Variants in SUSD4 observed in about 807,000 individuals in gnomAD.
The protein encoded by SUSD4 is sushi domain-containing protein 4.
SUSD4 carries 41 observed loss-of-function variants against 50.5 expected under a neutral mutation model. That is an observed-to-expected ratio of 0.81 (90% CI 0.63 to 1.05). The LOEUF (loss-of-function observed/expected upper bound fraction) is 1.05. Among genes scored for constraint, SUSD4 ranks in the 50% least tolerant of loss-of-function variants. SUSD4 has a pLI of 0.00. For missense variants in SUSD4, 580 were observed against 634.7 expected, an observed-to-expected ratio of 0.91 and a Z score of 0.93; for synonymous variants, 257 against 257.3, an observed-to-expected ratio of 1.00 and a Z score of 0.01.
chr1:223,304,801 TA>T (rs1665424351), intron 2 of SUSD4, among the ~76,000 whole-genome samples: 1 of 1,906 alleles, frequency 5.2e-4, no homozygotes, highest in Non-Finnish European at 1.4e-3. Flanking sequence ...TCCATATATA[TA>T]TATATATATA....
chr1:223,232,390 C>T (rs1383780567), intron 5 of SUSD4, among the ~76,000 whole-genome samples: 1 of 151,548 alleles, frequency 6.6e-6, no homozygotes, highest in Non-Finnish European at 1.5e-5. Flanking sequence ...TCATGTTGTA[C>T]ACCTTAAATA....
intron 2 of SUSD4, among the ~76,000 whole-genome samples, chr1:223,315,523 G>A (rs1040553060): frequency 2.6e-5 from 4 of 152,154 alleles, no homozygotes; most frequent in Admixed American, 6.5e-5. Context: ...TCCCTGGCCC[G>A]CCAAACTATC....
intron 3 of SUSD4, among the ~76,000 whole-genome samples, chr1:223,269,537 A>T (rs958794457): frequency 6.6e-6 from 1 of 152,142 alleles, no homozygotes; most frequent in African/African-American, 2.4e-5. Flanking sequence ...CACCCTAAAC[A>T]CTGCCTAAGT....
intron 3 of SUSD4, among the ~76,000 whole-genome samples, chr1:223,288,761 T>C (rs1664299474): frequency 6.6e-6 from 1 of 152,216 alleles, no homozygotes; most frequent in African/African-American, 2.4e-5. Context: ...ATTTATAATA[T>C]AAATGAATCC....
intron 7 of SUSD4, among the ~76,000 whole-genome samples, chr1:223,225,441 T>TA (rs1443631874): frequency 6.6e-6 from 1 of 152,086 alleles, no homozygotes; most frequent in African/African-American, 2.4e-5. Context: ...CCGCAGCTCT[T>TA]AAAGACTGCC....
chr1:223,309,861 A>G (rs1665767485), intron 2 of SUSD4, among the ~76,000 whole-genome samples: 1 of 152,178 alleles, frequency 6.6e-6, no homozygotes, highest in East Asian at 1.9e-4. Flanking sequence ...ATCATGGATA[A>G]TTTGGTTTCT....
chr1:223,353,270 A>G (rs1055088532), intron 2 of SUSD4, among the ~76,000 whole-genome samples: 2 of 152,192 alleles, frequency 1.3e-5, no homozygotes, highest in African/African-American at 4.8e-5. Context: ...GCACGTGGGA[A>G]GGCGTTTACA....
chr1:223,267,333 C>T (rs1662561070), intron 4 of SUSD4, among the ~76,000 whole-genome samples: 1 of 152,114 alleles, frequency 6.6e-6, no homozygotes, highest in African/African-American at 2.4e-5. Context: ...ATGTGGAAAA[C>T]AGGAAGGGAA....
intron 3 of SUSD4, among the ~76,000 whole-genome samples, chr1:223,288,256 G>T (rs1431796440): frequency 2.6e-5 from 4 of 152,144 alleles, no homozygotes; most frequent in African/African-American, 9.7e-5. Context: ...AAAAGCAGGG[G>T]TTTTCCCTGT....
intron 3 of SUSD4, among the ~76,000 whole-genome samples, chr1:223,271,545 G>T (rs763162542): frequency 6.6e-6 from 1 of 151,980 alleles, no homozygotes; most frequent in Non-Finnish European, 1.5e-5. Flanking sequence ...ATCAACTAGG[G>T]AGTAAGAAGT....
intron 2 of SUSD4, among the ~76,000 whole-genome samples, chr1:223,296,816 C>T (rs1410352011): frequency 2.0e-5 from 3 of 152,172 alleles, no homozygotes; most frequent in Admixed American, 6.5e-5. Flanking sequence ...CTTCTCCTTG[C>T]TGCCGCCATG....
chr1:223,275,692 C>CT (rs1034035351), intron 3 of SUSD4, among the ~76,000 whole-genome samples: 6 of 152,104 alleles, frequency 3.9e-5, no homozygotes, highest in East Asian at 1.9e-4. Flanking sequence ...GGAAATGTGC[C>CT]TTTTTTTATG....
At chr1:223,309,903 C>T (rs1053875962) in intron 2 of SUSD4, among the ~76,000 whole-genome samples, 5 of 152,198 alleles carry the variant, frequency 3.3e-5, no homozygotes, top group African/African-American at 7.2e-5. Context: ...CAGGGTTCCA[C>T]ATCAAATCCA....
chr1:223,244,321 G>A (rs1660777628), intron 5 of SUSD4, among the ~76,000 whole-genome samples: 2 of 152,204 alleles, frequency 1.3e-5, no homozygotes, highest in Admixed American at 1.3e-4. Flanking sequence ...CAATGGAGAT[G>A]GGCCAGAGAG....
chr1:223,304,793 CATATATATAT>C (rs57599818), intron 2 of SUSD4, among the ~76,000 whole-genome samples: 45 of 53,552 alleles, frequency 8.4e-4, no homozygotes, highest in East Asian at 1.6e-3. Flanking sequence ...CTCAGGTTTC[CATATATATAT>C]ATATATATAT....
rs531509937 is a variant in SUSD4 at position 223,268,089 on chromosome 1, T to C, written c.535+413A>G. 2.8e-5 allele frequency among the ~76,000 whole-genome samples: 4 copies of C among 142,502 alleles called. No homozygotes were observed. In the East Asian group the frequency reaches 8.7e-4, roughly 31 times the overall value. 93.5% of individuals were successfully genotyped at this position (142,502 alleles called of 152,430 possible). A position where few individuals can be genotyped will look rare whatever the true frequency, so the allele number is the denominator to read the frequency against. On this transcript the variant is annotated intron_variant, in intron 4 of 8. Transcript: ENST00000366878. Reference sequence around the variant, plus strand: ...AACAGCCTCTGTTAAAGATTGGCTTTAACTATATTTTCACCACTATTGAAA... The same window carrying C: ...AACAGCCTCTGTTAAAGATTGGCTTCAACTATATTTTCACCACTATTGAAA...
At chr1:223,306,405 C>T (rs1289940037) in intron 2 of SUSD4, among the ~76,000 whole-genome samples, 1 of 152,226 alleles carries the variant, frequency 6.6e-6, no homozygotes, top group African/African-American at 2.4e-5. Context: ...TGAGGATTCA[C>T]TTCATCAACA....
chr1:223,305,373 C>T (rs1473087495), intron 2 of SUSD4, among the ~76,000 whole-genome samples: 1 of 152,228 alleles, frequency 6.6e-6, no homozygotes. Context: ...ACCCAACCAC[C>T]AAATGGGAAC....
At chr1:223,280,802 T>C (rs1478216592) in intron 3 of SUSD4, among the ~76,000 whole-genome samples, 1 of 152,048 alleles carries the variant, frequency 6.6e-6, no homozygotes, top group Non-Finnish European at 1.5e-5. Context: ...CAGCACCACA[T>C]CGCACTTATT....
Sources: allele counts gnomAD v4.1 joint callset (sites outside exome capture counted in the v4.1 genomes callset), GRCh38; gene constraint gnomAD v4.1.1; transcripts MANE v1.5; gene names NCBI Gene and HGNC (gene_info 2026-07-23, HGNC 2026-07-21).